SYNJ2BP: variants seen among roughly 807,000 people sequenced by gnomAD.
SYNJ2BP encodes synaptojanin 2 binding protein, also known as synaptojanin-2-binding protein.
Under a neutral mutation model 16.9 loss-of-function variants are expected in SYNJ2BP, and 10 were observed. The observed-to-expected ratio is 0.59, with a 90% CI of 0.36 to 1.00. The LOEUF (loss-of-function observed/expected upper bound fraction) is 1.00. SYNJ2BP is among the 50% of genes least tolerant of loss of function. The pLI is 0.01. For synonymous variants in SYNJ2BP, 54 were observed against 68.4 expected, an observed-to-expected ratio of 0.79 and a Z score of 1.04; for missense variants, 162 against 186.7, an observed-to-expected ratio of 0.87 and a Z score of 0.77.
At chr14:70,410,995 G>T (rs1413847374) in intron 1 of SYNJ2BP, among the ~76,000 whole-genome samples, 1 of 151,228 alleles carries the variant, frequency 6.6e-6, no homozygotes, top group African/African-American at 2.4e-5. Context: ...ATGTACCCCT[G>T]AACCTAAAAT....
intron 1 of SYNJ2BP, among the ~76,000 whole-genome samples, chr14:70,400,655 C>G (rs1356186296): frequency 1.3e-5 from 2 of 152,128 alleles, no homozygotes; most frequent in Non-Finnish European, 2.9e-5. Flanking sequence ...ATTTAACCCC[C>G]TAAACTAGGC....
intron 1 of SYNJ2BP, among the ~76,000 whole-genome samples, chr14:70,401,286 C>A (rs187848790): frequency 6.6e-6 from 1 of 152,168 alleles, no homozygotes; most frequent in Admixed American, 6.5e-5. Flanking sequence ...TTTTAGAGTT[C>A]TCTGGTCAGA....
intron 1 of SYNJ2BP, among the ~76,000 whole-genome samples, chr14:70,390,193 A>C (rs1471692999): frequency 6.6e-6 from 1 of 152,052 alleles, no homozygotes; most frequent in African/African-American, 2.4e-5. Context: ...GCATAAAAAA[A>C]TAAAAAGGAA....
rs1887535102 is a variant in SYNJ2BP, at chr14:70,372,377, A to G, written c.*614T>C. 6.5e-6 allele frequency: 1 copy of G among 152,722 alleles called. No individual in the cohort carries two copies. The highest frequency in any genetic ancestry group is 1.5e-5 in the Non-Finnish European group (1 of 68,136). 9.5% of individuals were successfully genotyped at this position (152,722 alleles called of 1,614,324 possible). A position where few individuals can be genotyped will look rare whatever the true frequency, so the allele number is the denominator to read the frequency against. On this transcript the variant is annotated 3_prime_UTR_variant, in exon 4 of 4. Transcript: ENST00000256366. The stretch of plus-strand genomic sequence containing the variant: ...AAGTATCTCTTTAAATTCTTCAGTT[A>G]AGATCATCCCTTTTATCAGAAACCT...
intron 2 of SYNJ2BP, among the ~76,000 whole-genome samples, chr14:70,385,341 CTTATT>C (rs997545385): frequency 1.3e-5 from 2 of 151,540 alleles, no homozygotes; most frequent in African/African-American, 2.4e-5. Flanking sequence ...CAGTTTTTAT[CTTATT>C]TTATTTTTAT....
chr14:70,382,919 A>G (rs1437499056), intron 2 of SYNJ2BP, among the ~76,000 whole-genome samples: 2 of 152,170 alleles, frequency 1.3e-5, no homozygotes, highest in Admixed American at 1.3e-4. Flanking sequence ...ATATTCTAAA[A>G]CAAGATCTCT....
At chr14:70,375,356 C>T (rs980802866) in intron 3 of SYNJ2BP, among the ~76,000 whole-genome samples, 5 of 151,688 alleles carry the variant, frequency 3.3e-5, no homozygotes, top group Non-Finnish European at 7.4e-5. Flanking sequence ...TGTGCACCAC[C>T]GTGCCTGAAT....
intron 1 of SYNJ2BP, among the ~76,000 whole-genome samples, chr14:70,403,183 T>G (rs915688865): frequency 6.6e-6 from 1 of 152,224 alleles, no homozygotes; most frequent in African/African-American, 2.4e-5. Flanking sequence ...GAACTGGTAG[T>G]CTAAACAGGG....
rs140943701 is a variant in SYNJ2BP at position 70,369,473 on chromosome 14, T to C, written c.*3518A>G. 270 of 152,320 alleles carry C rather than the reference T, an allele frequency of 1.8e-3. 1 individual carries two copies. Among genetic ancestry groups the C allele is most frequent in the African/African-American group, 6.1e-3 (255 of 41,570 alleles). 9.4% of individuals were successfully genotyped at this position (152,320 alleles called of 1,614,324 possible). ...ACCTTGCTTTGAGAACCACTTCCAG[T>C]GAGAGAATATCATTGATGCTGGCAT... On this transcript the variant is annotated 3_prime_UTR_variant, in exon 4 of 4. Transcript: ENST00000256366.
rs1887908842 is a variant in SYNJ2BP, at chr14:70,388,513, G to A, written c.158C>T (p.Ala53Val). 2.5e-6 allele frequency: 4 copies of A among 1,595,614 alleles called. No homozygotes were observed. The highest frequency in any genetic ancestry group is 3.4e-6 in the Non-Finnish European group (4 of 1,171,436). ...CTCCTGGAGCCGCCCATCCAGGGCC[G>A]CAGCCCCATTTTCTTTGATGCGGCT... The part of the protein sequence containing the change: ...YVSRIKENGA[A>V]ALDGRLQEGD... The change falls in exon 2 of 4, where the codon GCG (alanine) becomes GTG (valine). Residue 53 changes from alanine (A) to valine (V), a missense_variant. Physicochemically the swap from Ala to Val is moderately conservative, Grantham distance 64. Coordinates refer to ENST00000256366, the MANE Select transcript of SYNJ2BP (RefSeq NM_018373.3).
chr14:70,412,802 G>A (rs924701549), intron 1 of SYNJ2BP, among the ~76,000 whole-genome samples: 14 of 151,892 alleles, frequency 9.2e-5, no homozygotes, highest in African/African-American at 2.9e-4. Flanking sequence ...TTGAGGACTC[G>A]GACCTAAAAA....
Position 70,370,807 on chromosome 14 carries a change from G to A in SYNJ2BP, c.*2184C>T, listed in dbSNP as rs544275935. 1.3e-5 allele frequency: 2 copies of A among 152,260 alleles called. No individual in the cohort carries two copies. The highest frequency in any genetic ancestry group is 3.9e-4 in the East Asian group (2 of 5,184). 9.4% of individuals were successfully genotyped at this position (152,260 alleles called of 1,614,324 possible). A position where few individuals can be genotyped will look rare whatever the true frequency, so the allele number is the denominator to read the frequency against. ...TGAGGCCCTTAAGGGTCTTCAACTT[G>A]TCCCTTTCCTCCACGTAACTTTCTC... On this transcript the variant is annotated 3_prime_UTR_variant, in exon 4 of 4. Transcript: ENST00000256366.
intron 2 of SYNJ2BP, among the ~76,000 whole-genome samples, chr14:70,387,881 A>C (rs1887894290): frequency 6.6e-6 from 1 of 151,812 alleles, no homozygotes; most frequent in Non-Finnish European, 1.5e-5. Context: ...AATATTCTGG[A>C]AAATAGTAAG....
chr14:70,398,061 C>T (rs1888145535), intron 1 of SYNJ2BP, among the ~76,000 whole-genome samples: 1 of 152,208 alleles, frequency 6.6e-6, no homozygotes, highest in Non-Finnish European at 1.5e-5. Flanking sequence ...GGTAGCTCCT[C>T]TCTGTAGGCA....
In SYNJ2BP at chr14:70,366,715, T is replaced by C. The variant is rs960913342; in HGVS notation, c.*6276A>G. ...GTGTCTTCTGTGTCTTCCAAGTTGC[T>C]ACAGGGCTCTATTTGATCTGAGAAA... On this transcript the variant is annotated 3_prime_UTR_variant, in exon 4 of 4. Transcript: ENST00000256366. 28 of 152,220 alleles carry C rather than the reference T, an allele frequency of 1.8e-4. No individual in the cohort carries two copies. Among genetic ancestry groups the C allele is most frequent in the African/African-American group, 6.5e-4 (27 of 41,452 alleles). The allele number at this position is 152,220 out of a possible 1,614,324, so 9.4% of individuals were successfully genotyped here.
In SYNJ2BP at chr14:70,366,930, A is replaced by G. The variant is rs1887400232; in HGVS notation, c.*6061T>C. Reference sequence around the variant, plus strand: ...TAAAAGATTAAAATAGGATTCAATTATTCATCTCCATTTGCAAATCTACAA... The same window carrying G: ...TAAAAGATTAAAATAGGATTCAATTGTTCATCTCCATTTGCAAATCTACAA... On this transcript the variant is annotated 3_prime_UTR_variant, in exon 4 of 4. Transcript: ENST00000256366. 1.3e-5 allele frequency: 2 copies of G among 152,256 alleles called. No individual in the cohort carries two copies. Among genetic ancestry groups the G allele is most frequent in the South Asian group, 4.1e-4 (2 of 4,834 alleles). The allele number at this position is 152,256 out of a possible 1,614,324, so 9.4% of individuals were successfully genotyped here. A position where few individuals can be genotyped will look rare whatever the true frequency, so the allele number is the denominator to read the frequency against.
At chr14:70,400,149 C>T (rs1888204351) in intron 1 of SYNJ2BP, among the ~76,000 whole-genome samples, 1 of 152,192 alleles carries the variant, frequency 6.6e-6, no homozygotes, top group Non-Finnish European at 1.5e-5. Context: ...TATCAGAAAC[C>T]TGTACTCAAG....
At chr14:70,399,305 C>T (rs1226589491) in intron 1 of SYNJ2BP, among the ~76,000 whole-genome samples, 1 of 152,238 alleles carries the variant, frequency 6.6e-6, no homozygotes, top group Non-Finnish European at 1.5e-5. Context: ...ATCTCGGCCT[C>T]GCCCCATAGC....
intron 1 of SYNJ2BP, among the ~76,000 whole-genome samples, chr14:70,414,053 G>C (rs1423298578): frequency 6.6e-6 from 1 of 152,096 alleles, no homozygotes; most frequent in African/African-American, 2.4e-5. Context: ...AGTTTCTAGT[G>C]GTATTTTGAG....
Sources: allele counts gnomAD v4.1 joint callset (sites outside exome capture counted in the v4.1 genomes callset), GRCh38; gene constraint gnomAD v4.1.1; transcripts MANE v1.5; gene names NCBI Gene and HGNC (gene_info 2026-07-23, HGNC 2026-07-21).